ZNF804B: variants seen among roughly 807,000 people sequenced by gnomAD.
ZNF804B encodes the protein zinc finger 804B.
In ZNF804B, 80 loss-of-function variants were observed where a neutral mutation model predicts 101.4. The ratio of observed to expected loss-of-function variants is 0.79; its 90% CI spans 0.66 to 0.95. ZNF804B has a LOEUF of 0.95. ZNF804B is among the 40% of genes least tolerant of loss of function. ZNF804B has a pLI of 0.00. For synonymous variants in ZNF804B, 622 were observed against 558.8 expected, an observed-to-expected ratio of 1.11 and a Z score of -1.59; for missense variants, 1,673 against 1,561.9, an observed-to-expected ratio of 1.07 and a Z score of -1.20.
chr7:88,932,989 A>G (rs2373743), intron 1 of ZNF804B, among the ~76,000 whole-genome samples: 10,006 of 151,810 alleles, frequency 0.066, 745 homozygotes, highest in East Asian at 0.21. Context: ...AAAGCACATA[A>G]CAACAACAAA....
chr7:89,049,321 A>G (rs1286412851), intron 1 of ZNF804B, among the ~76,000 whole-genome samples: 1 of 152,180 alleles, frequency 6.6e-6, no homozygotes, highest in Admixed American at 6.6e-5. Flanking sequence ...TATTAGCACG[A>G]TTCACAACTG....
At chr7:89,101,954 A>T (rs537382829) in intron 1 of ZNF804B, among the ~76,000 whole-genome samples, 1 of 151,976 alleles carries the variant, frequency 6.6e-6, no homozygotes, top group Non-Finnish European at 1.5e-5. Context: ...AAGTGAGAAC[A>T]TGCAATATTT....
chr7:89,293,067 G>A (rs1188641626), intron 2 of ZNF804B, among the ~76,000 whole-genome samples: 3 of 151,280 alleles, frequency 2.0e-5, no homozygotes, highest in African/African-American at 7.3e-5. Flanking sequence ...CTTTACATTT[G>A]TTACATTTTT....
At chr7:89,186,607 G>C (rs1788378500) in intron 1 of ZNF804B, among the ~76,000 whole-genome samples, 1 of 122,802 alleles carries the variant, frequency 8.1e-6, no homozygotes, top group Non-Finnish European at 1.8e-5. Context: ...GCTTTTAAGT[G>C]TTACTTTTTT....
At chr7:88,952,369 G>C (rs1793237006) in intron 1 of ZNF804B, among the ~76,000 whole-genome samples, 1 of 151,796 alleles carries the variant, frequency 6.6e-6, no homozygotes, top group South Asian at 2.1e-4. Context: ...AAAAATAAAA[G>C]CAATTTATTA....
At chr7:89,016,514 A>G (rs1376374968) in intron 1 of ZNF804B, among the ~76,000 whole-genome samples, 2 of 151,038 alleles carry the variant, frequency 1.3e-5, no homozygotes, top group Non-Finnish European at 2.9e-5. Context: ...TAATTTTTAT[A>G]TAAGGTGTAA....
chr7:88,822,769 A>G (rs752535661), intron 1 of ZNF804B, among the ~76,000 whole-genome samples: 6 of 152,182 alleles, frequency 3.9e-5, no homozygotes, highest in Non-Finnish European at 8.8e-5. Flanking sequence ...CACAATTTAA[A>G]TTATTTTCCA....
chr7:89,335,743 A>G lies in ZNF804B; in HGVS notation c.2761A>G (p.Thr921Ala). 1 of 1,613,960 alleles carries G rather than the reference A, an allele frequency of 6.2e-7. No homozygotes were observed. The highest frequency in any genetic ancestry group is 1.1e-5 in the South Asian group (1 of 91,078). ...TESNTAEGER[T>A]PLTAKILLER... is the part of the protein sequence containing the mutation. ...ATCAAACACTGCAGAAGGAGAGAGG[A>G]CCCCTCTAACAGCAAAAATCCTTTT... Residue 921 changes from threonine (T) to alanine (A), a missense_variant, in exon 4 of 4, where the codon ACC (threonine) becomes GCC (alanine). By Grantham distance (58) the Thr-to-Ala change is moderately conservative. Transcript: ENST00000333190.
intron 1 of ZNF804B, among the ~76,000 whole-genome samples, chr7:88,945,329 C>T (rs1029182039): frequency 6.6e-5 from 10 of 152,036 alleles, no homozygotes; most frequent in Admixed American, 4.6e-4. Context: ...TTCCCAACAC[C>T]ATTTTTTAAA....
chr7:89,027,717 C>G (rs1788771931), intron 1 of ZNF804B, among the ~76,000 whole-genome samples: 1 of 152,174 alleles, frequency 6.6e-6, no homozygotes, highest in South Asian at 2.1e-4. Context: ...CATGAAAGCT[C>G]TTCTCAGACA....
intron 1 of ZNF804B, among the ~76,000 whole-genome samples, chr7:88,854,476 T>TTTCTTTCTTTCTTTCTTTCTTTCC (rs1554340148): frequency 8.2e-5 from 4 of 48,762 alleles, no homozygotes; most frequent in South Asian, 1.4e-3. Context: ...TCTTTCTTTC[T>TTTCTTTCTTTCTTTCTTTCTTTCC]CTTTCCTTTC....
chr7:88,766,824 T>C (rs986909905), intron 1 of ZNF804B, among the ~76,000 whole-genome samples: 2 of 152,250 alleles, frequency 1.3e-5, no homozygotes, highest in Non-Finnish European at 1.5e-5. Flanking sequence ...GATTTTGTAC[T>C]GGACAGCAAT....
rs201970697 is a variant in ZNF804B at position 89,333,626 on chromosome 7, A to G, written c.644A>G (p.His215Arg). ...QTSSDLSNANHRTGVSFTFSK... is the reference protein window; with the variant it reads ...QTSSDLSNANRRTGVSFTFSK... ...TCTTCAGATCTCAGCAATGCAAATC[A>G]CAGAACAGGAGTATCATTTACTTTT... Residue 215 changes from histidine to arginine, a missense_variant, in exon 4 of 4, where the codon CAC (histidine) becomes CGC (arginine). By Grantham distance (29) the His-to-Arg change is conservative (BLOSUM62 0). Coordinates refer to ENST00000333190, the MANE Select transcript of ZNF804B (RefSeq NM_181646.5). 9.3e-6 allele frequency: 15 copies of G among 1,613,640 alleles called. No homozygotes were observed. The African/African-American group carries it at 2.0e-4, about 22-fold the overall frequency.
chr7:88,834,008 G>T (rs540512320), intron 1 of ZNF804B, among the ~76,000 whole-genome samples: 1 of 151,798 alleles, frequency 6.6e-6, no homozygotes, highest in South Asian at 2.1e-4. Context: ...CAGAAATGGG[G>T]CTAGTTTTCA....
chr7:88,774,202 GTTTTTTT>G (rs11349793), intron 1 of ZNF804B, among the ~76,000 whole-genome samples: 1 of 134,376 alleles, frequency 7.4e-6, no homozygotes, highest in Non-Finnish European at 1.6e-5. Context: ...TGTTTTTTAA[GTTTTTTT>G]TTTTTTTTTT....
chr7:89,201,510 G>C (rs991122036), intron 1 of ZNF804B, among the ~76,000 whole-genome samples: 3 of 152,032 alleles, frequency 2.0e-5, no homozygotes, highest in African/African-American at 7.2e-5. Flanking sequence ...ACCAAAAGCC[G>C]AGACTTCCAA....
At chr7:88,797,578 C>T (rs1481613945) in intron 1 of ZNF804B, among the ~76,000 whole-genome samples, 2 of 152,078 alleles carry the variant, frequency 1.3e-5, no homozygotes, top group Non-Finnish European at 2.9e-5. Flanking sequence ...TGATTTGTTA[C>T]CTAACACAGC....
chr7:88,998,121 T>A (rs1421237935), intron 1 of ZNF804B, among the ~76,000 whole-genome samples: 1 of 152,050 alleles, frequency 6.6e-6, no homozygotes, highest in African/African-American at 2.4e-5. Flanking sequence ...TATACTCACG[T>A]TCTTCCATCT....
chr7:88,872,506 G>A (rs763342380), intron 1 of ZNF804B, among the ~76,000 whole-genome samples: 42 of 151,368 alleles, frequency 2.8e-4, no homozygotes, highest in Non-Finnish European at 5.0e-4. Flanking sequence ...TTTAGGGTAC[G>A]TGTGCACAAT....
Sources: gnomAD v4.1 joint callset for allele counts (sites outside exome capture counted in the v4.1 genomes callset) on GRCh38, gnomAD v4.1.1 for gene constraint, MANE v1.5 for transcripts, NCBI Gene and HGNC (gene_info 2026-07-23, HGNC 2026-07-21) for gene names.